The following PRKAG2 variants were observed in gnomAD, a reference collection of about 807,000 sequenced individuals.
PRKAG2 encodes the protein 5'-AMP-activated protein kinase subunit gamma-2.
Under a neutral mutation model 69.6 loss-of-function variants are expected in PRKAG2, and 26 were observed. The observed-to-expected ratio is 0.37, with a 90% CI of 0.27 to 0.52. The LOEUF is 0.52. PRKAG2 is among the 20% of genes least tolerant of loss of function. PRKAG2 has a pLI of 0.90. For synonymous variants in PRKAG2, 293 were observed against 285.0 expected, an observed-to-expected ratio of 1.03 and a Z score of -0.28; for missense variants, 557 against 740.0, an observed-to-expected ratio of 0.75 and a Z score of 2.87.
At chr7:151,718,322 A>G (rs1207636792) in intron 3 of PRKAG2, among the ~76,000 whole-genome samples, 1 of 152,050 alleles carries the variant, frequency 6.6e-6, no homozygotes, top group Non-Finnish European at 1.5e-5. Flanking sequence ...CCACAGTCCT[A>G]TCAGCTTACA....
chr7:151,720,777 G>T, intron 3 of PRKAG2, among the ~76,000 whole-genome samples: 2 of 131,864 alleles, frequency 1.5e-5, no homozygotes, highest in Non-Finnish European at 1.6e-5. Flanking sequence ...AAGGGATGGA[G>T]GGGGACAGGG....
chr7:151,695,059 T>C (rs755139136), intron 3 of PRKAG2, among the ~76,000 whole-genome samples: 2 of 152,178 alleles, frequency 1.3e-5, no homozygotes, highest in Non-Finnish European at 2.9e-5. Flanking sequence ...GCAGCCAAGT[T>C]TCCGATGTGC....
intron 3 of PRKAG2, among the ~76,000 whole-genome samples, chr7:151,733,740 A>G (rs1228258657): frequency 6.7e-6 from 1 of 149,980 alleles, no homozygotes; most frequent in Non-Finnish European, 1.5e-5. Flanking sequence ...GCTGACTCCC[A>G]GCCTGGAGTA....
chr7:151,706,758 G>C (rs1169387648), intron 3 of PRKAG2, among the ~76,000 whole-genome samples: 1 of 152,242 alleles, frequency 6.6e-6, no homozygotes, highest in African/African-American at 2.4e-5. Flanking sequence ...TTCAGCAAAC[G>C]CTCAACACAG....
chr7:151,611,494 T>G (rs1222630555), intron 5 of PRKAG2, among the ~76,000 whole-genome samples: 1 of 152,114 alleles, frequency 6.6e-6, no homozygotes, highest in African/African-American at 2.4e-5. Context: ...AATAAATCAG[T>G]AAGTGATGAG....
chr7:151,617,358 C>T (rs73158132), intron 5 of PRKAG2, among the ~76,000 whole-genome samples: 1,888 of 150,634 alleles, frequency 0.013, 17 homozygotes, highest in Non-Finnish European at 0.022. Flanking sequence ...TCACTAGACC[C>T]GGGATTCACC....
At chr7:151,695,962 C>G (rs1236366997) in intron 3 of PRKAG2, among the ~76,000 whole-genome samples, 2 of 152,150 alleles carry the variant, frequency 1.3e-5, no homozygotes, top group Non-Finnish European at 2.9e-5. Flanking sequence ...GAAGCAGACC[C>G]CACCCTGTGT....
chr7:151,688,046 C>CCCCCCG (rs1554539847), intron 3 of PRKAG2, among the ~76,000 whole-genome samples: 9 of 142,624 alleles, frequency 6.3e-5, no homozygotes, highest in South Asian at 2.3e-4. Flanking sequence ...AATGAGGCCC[C>CCCCCCG]CCCCCGGGCT....
At chr7:151,764,938 G>A (rs1291808700) in intron 3 of PRKAG2, among the ~76,000 whole-genome samples, 1 of 152,204 alleles carries the variant, frequency 6.6e-6, no homozygotes, top group South Asian at 2.1e-4. Context: ...CTGAGAGGCC[G>A]AGCATCCTGT....
At chr7:151,875,817 C>T (rs2080383391) in intron 1 of PRKAG2, among the ~76,000 whole-genome samples, 3 of 152,122 alleles carry the variant, frequency 2.0e-5, no homozygotes, top group Admixed American at 2.0e-4. Flanking sequence ...CGCCAATGTC[C>T]TCCCGGGCGG....
At chr7:151,844,209 T>C (rs2079376256) in intron 1 of PRKAG2, among the ~76,000 whole-genome samples, 1 of 152,198 alleles carries the variant, frequency 6.6e-6, no homozygotes, top group Non-Finnish European at 1.5e-5. Context: ...CCTCAGAGAC[T>C]GGTCACTCAC....
chr7:151,832,016 T>C (rs2079036304), intron 1 of PRKAG2, among the ~76,000 whole-genome samples: 1 of 152,082 alleles, frequency 6.6e-6, no homozygotes. Flanking sequence ...AACTCAGGCC[T>C]GGCTGCTGCA....
At chr7:151,711,339 A>G (rs1795283920) in intron 3 of PRKAG2, among the ~76,000 whole-genome samples, 1 of 149,620 alleles carries the variant, frequency 6.7e-6, no homozygotes, top group Non-Finnish European at 1.5e-5. Flanking sequence ...TGCTAGGCTT[A>G]GAGTACTGAG....
Position 151,872,713 on chromosome 7 carries a change from C to A in PRKAG2, c.114+3794G>T, listed in dbSNP as rs2080246465. ...CCTCAGGGCATAATCCCAGCACTTC[C>A]AGGGGTTCCTGCACTAGGCTGAGCA... is the stretch of plus-strand genomic sequence containing the variant. On this transcript the variant is annotated intron_variant, in intron 1 of 15. Coordinates refer to ENST00000287878, the MANE Select transcript of PRKAG2 (RefSeq NM_016203.4). 2.6e-5 allele frequency among the ~76,000 whole-genome samples: 4 copies of A among 152,212 alleles called. No individual in the cohort carries two copies. The South Asian group carries it at 8.3e-4, about 31-fold the overall frequency.
chr7:151,813,635 T>G (rs2078538894), intron 1 of PRKAG2, among the ~76,000 whole-genome samples: 1 of 152,110 alleles, frequency 6.6e-6, no homozygotes, highest in Non-Finnish European at 1.5e-5. Context: ...CACTCAACAG[T>G]CAGGGCTTCT....
intron 1 of PRKAG2, among the ~76,000 whole-genome samples, chr7:151,857,838 C>T (rs1283133993): frequency 6.6e-6 from 1 of 152,224 alleles, no homozygotes; most frequent in Non-Finnish European, 1.5e-5. Context: ...GGCGGGCATA[C>T]AATTTCTAAC....
intron 13 of PRKAG2, 48 bp from the exon 14 acceptor site, chr7:151,564,272 T>C (rs771610660): frequency 6.2e-7 from 1 of 1,602,518 alleles, no homozygotes; most frequent in East Asian, 2.2e-5. Flanking sequence ...TTCAGTTCAC[T>C]TCAATGACCA....
chr7:151,847,818 G>A (rs192676636), intron 1 of PRKAG2, among the ~76,000 whole-genome samples: 41 of 152,360 alleles, frequency 2.7e-4, no homozygotes, highest in Admixed American at 1.8e-3. Flanking sequence ...TGAGGTTGGC[G>A]CCCGGAAGCA....
At chr7:151,737,180 TAG>T in intron 3 of PRKAG2, among the ~76,000 whole-genome samples, 1 of 152,042 alleles carries the variant, frequency 6.6e-6, no homozygotes, top group Non-Finnish European at 1.5e-5. Flanking sequence ...GTTTCCCCCT[TAG>T]TGAACTAAGA....
Sources: gnomAD v4.1 joint callset for allele counts (sites outside exome capture counted in the v4.1 genomes callset) on GRCh38, gnomAD v4.1.1 for gene constraint, MANE v1.5 for transcripts, NCBI Gene and HGNC (gene_info 2026-07-23, HGNC 2026-07-21) for gene names.